The following ITCH variants were observed in gnomAD, a reference collection of about 807,000 sequenced individuals.
ITCH encodes E3 ubiquitin-protein ligase Itchy homolog.
In ITCH, 28 loss-of-function variants were observed where a neutral mutation model predicts 126.8. The ratio of observed to expected loss-of-function variants is 0.22; its 90% CI spans 0.16 to 0.30. The LOEUF is 0.30. Ranked by LOEUF, ITCH falls within the 10% of genes least tolerant of loss-of-function variation. ITCH has a pLI of 1.00. For synonymous variants in ITCH, 342 were observed against 340.0 expected (o/e 1.01, Z -0.06); for missense variants, 631 against 1,032.4 (o/e 0.61, Z 5.33).
chr20:34,507,196 A>G (rs1043085350), intron 24 of ITCH, among the ~76,000 whole-genome samples: 1 of 147,812 alleles, frequency 6.8e-6, no homozygotes, highest in African/African-American at 2.5e-5. Context: ...TTATATTCCT[A>G]CCTGTAGTGC....
chr20:34,442,052 A>T, intron 9 of ITCH, 156 bp from the exon 10 acceptor site: 2 of 677,990 alleles, frequency 2.9e-6, no homozygotes, highest in Non-Finnish European at 2.7e-6. Flanking sequence ...ACATTTCTTC[A>T]CTTTATTCCT....
Position 34,474,034 on chromosome 20 carries a change from A to T in ITCH, c.1569+2519A>T, listed in dbSNP as rs563632247. Among the ~76,000 whole-genome samples, 9 of 152,370 alleles carry T rather than the reference A, an allele frequency of 5.9e-5. No individual in the cohort carries two copies. In the East Asian group the frequency reaches 1.7e-3, roughly 29 times the overall value. Reference sequence around the variant, plus strand: ...ATCTTCTAGGTAAACAGATGAGATTATATGAAAACATTTTGCTAAAGTCGC... The same window carrying T: ...ATCTTCTAGGTAAACAGATGAGATTTTATGAAAACATTTTGCTAAAGTCGC... On this transcript the variant is annotated intron_variant, in intron 16 of 24. Transcript: ENST00000374864.
intron 24 of ITCH, among the ~76,000 whole-genome samples, chr20:34,506,019 T>C (rs1212346765): frequency 6.6e-6 from 1 of 152,178 alleles, no homozygotes; most frequent in Non-Finnish European, 1.5e-5. Flanking sequence ...TCAGTGGCAT[T>C]AAGTGCATTC....
intron 6 of ITCH, among the ~76,000 whole-genome samples, chr20:34,419,412 G>GTTC (rs781692103): frequency 1.3e-5 from 2 of 151,118 alleles, no homozygotes; most frequent in African/African-American, 2.4e-5. Context: ...GTCTTTAAAA[G>GTTC]TTTTATCCTA....
At chr20:34,496,789 G>A (rs1989912776) in intron 23 of ITCH, among the ~76,000 whole-genome samples, 2 of 123,966 alleles carry the variant, frequency 1.6e-5, no homozygotes, top group South Asian at 5.2e-4. Context: ...GGCAAGAAGA[G>A]CAACACTCCA....
chr20:34,378,944 GTA>G (rs2037949938), intron 2 of ITCH, among the ~76,000 whole-genome samples: 1 of 152,124 alleles, frequency 6.6e-6, no homozygotes, highest in Non-Finnish European at 1.5e-5. Flanking sequence ...TAATTTTTTA[GTA>G]TATGTGCTGC....
intron 1 of ITCH, 117 bp from the exon 2 acceptor site, chr20:34,369,277 G>A (rs763650082): frequency 2.6e-6 from 1 of 381,720 alleles, no homozygotes; most frequent in East Asian, 3.7e-5. Context: ...AGGTTGGAGT[G>A]AGCCAATATC....
intron 2 of ITCH, among the ~76,000 whole-genome samples, chr20:34,374,763 C>T (rs867500945): frequency 2.1e-5 from 3 of 144,628 alleles, no homozygotes; most frequent in Admixed American, 7.0e-5. Context: ...GACAGAGTTT[C>T]ACTTTTGTTG....
At chr20:34,391,261 C>G (rs1341128144) in intron 2 of ITCH, among the ~76,000 whole-genome samples, 5 of 152,290 alleles carry the variant, frequency 3.3e-5, no homozygotes, top group Non-Finnish European at 7.4e-5. Context: ...TTCCCTATGA[C>G]CACGTACTTG....
At chr20:34,387,038 C>T (rs2038307789) in intron 2 of ITCH, among the ~76,000 whole-genome samples, 1 of 152,130 alleles carries the variant, frequency 6.6e-6, no homozygotes, top group African/African-American at 2.4e-5. Context: ...TGTGATGGCT[C>T]ATGCCTGTAA....
intron 7 of ITCH, among the ~76,000 whole-genome samples, chr20:34,433,656 C>CA (rs1158804192): frequency 0.56 from 64,912 of 115,076 alleles, 15,513 homozygotes; most frequent in Middle Eastern, 0.59. Flanking sequence ...AACAATGTCT[C>CA]AAAAAAAAAA....
chr20:34,473,212 A>G (rs959710628), intron 16 of ITCH, among the ~76,000 whole-genome samples: 5 of 152,244 alleles, frequency 3.3e-5, no homozygotes, highest in Admixed American at 6.5e-5. Context: ...GCTCTGGGAT[A>G]GTGTTTCTTC....
chr20:34,507,707 G>A lies in ITCH; in HGVS notation c.2502G>A (p.Leu834=). Residue 834 remains leucine (L), a synonymous_variant, in exon 25 of 25, where the codon CTG becomes CTA. Coordinates refer to ENST00000374864, the MANE Select transcript of ITCH (RefSeq NM_031483.7). Reference sequence around the variant, plus strand: ...TTCTTGCTTTTAGTTTTAATCGCCTGGACCTGCCACCATACAAGAGCTATG... The same window carrying A: ...TTCTTGCTTTTAGTTTTAATCGCCTAGACCTGCCACCATACAAGAGCTATG... ...LPRSHTCFNR[L]DLPPYKSYEQ... The A allele has an allele frequency of 6.2e-7, 1 of 1,613,514 alleles. No individual in the cohort carries two copies. Among genetic ancestry groups the A allele is most frequent in the South Asian group, 1.1e-5 (1 of 91,070 alleles).
rs750256573 is a variant in ITCH at position 34,509,784 on chromosome 20, A to G, written c.*1990A>G. 1.1e-4 allele frequency: 17 copies of G among 152,660 alleles called. No individual in the cohort carries two copies. The highest frequency in any genetic ancestry group is 1.9e-4 in the Non-Finnish European group (13 of 68,040). 9.5% of individuals were successfully genotyped at this position (152,660 alleles called of 1,614,324 possible). On this transcript the variant is annotated 3_prime_UTR_variant, in exon 25 of 25. Transcript: ENST00000374864. ...TATATAAGTCTGAACTTGGTAATATATGGCTAATGAAGATTAAGCCCTCTA... is the reference window on the plus strand; with the variant it reads ...TATATAAGTCTGAACTTGGTAATATGTGGCTAATGAAGATTAAGCCCTCTA...
chr20:34,396,833 T>G (rs909085939), intron 3 of ITCH, among the ~76,000 whole-genome samples: 1 of 152,202 alleles, frequency 6.6e-6, no homozygotes, highest in African/African-American at 2.4e-5. Flanking sequence ...AATTAATATC[T>G]CTGTCTTTAT....
At chr20:34,500,103 G>A (rs1990154914) in intron 23 of ITCH, among the ~76,000 whole-genome samples, 1 of 152,136 alleles carries the variant, frequency 6.6e-6, no homozygotes, top group African/African-American at 2.4e-5. Context: ...TTAATATGTG[G>A]TTTCCCCAGG....
rs1601713873 is a variant in ITCH, at chr20:34,363,314, C to T, written c.-134C>T. ...GCTCGGGACCGGCTGCCATCTTAGT[C>T]TAGGGACTGAGGAGTCGCCGCCGCC... is the stretch of plus-strand genomic sequence containing the variant. On this transcript the variant is annotated 5_prime_UTR_variant, in exon 1 of 25. Transcript: ENST00000374864. 1 of 152,576 alleles carries T rather than the reference C, an allele frequency of 6.6e-6. No individual in the cohort carries two copies. The highest frequency in any genetic ancestry group is 1.9e-4 in the East Asian group (1 of 5,190). 9.5% of individuals were successfully genotyped at this position (152,576 alleles called of 1,614,324 possible).
chr20:34,494,632 TG>T lies in ITCH; in HGVS notation c.2416+2038del, dbSNP rs1434909243. ...TCAAACATTTATCAATTCTTTGTGT[TG>T]GGAACATTCAAAACTCACTTTTCTA... On this transcript the variant is annotated intron_variant, in intron 23 of 24. Coordinates refer to ENST00000374864, the MANE Select transcript of ITCH (RefSeq NM_031483.7). 2.6e-5 allele frequency among the ~76,000 whole-genome samples: 4 copies of T among 152,324 alleles called. No homozygotes were observed. In the East Asian group the frequency reaches 7.7e-4, roughly 29 times the overall value.
chr20:34,476,096 A>T, intron 16 of ITCH: 1 of 959,024 alleles, frequency 1.0e-6, no homozygotes, highest in Non-Finnish European at 1.7e-6. Flanking sequence ...ATTGCATCTA[A>T]CTTCTCATAT....
Sources: gnomAD v4.1 joint callset for allele counts (sites outside exome capture counted in the v4.1 genomes callset) on GRCh38, gnomAD v4.1.1 for gene constraint, MANE v1.5 for transcripts, NCBI Gene and HGNC (gene_info 2026-07-23, HGNC 2026-07-21) for gene names.